Variants in IDO1 observed in about 807,000 individuals in gnomAD.
IDO1 encodes indoleamine 2,3-dioxygenase 1.
Under a neutral mutation model 38.8 loss-of-function variants are expected in IDO1, and 35 were observed. The observed-to-expected ratio is 0.90, with a 90% confidence interval of 0.69 to 1.20. The LOEUF (loss-of-function observed/expected upper bound fraction) is 1.20. IDO1 is among the 50% of genes most tolerant of loss of function. The pLI is 0.00. For missense variants in IDO1, 509 were observed against 485.1 expected (o/e 1.05, Z -0.46); for synonymous variants, 171 against 170.0 (o/e 1.01, Z -0.05).
At chr8:39,915,622 G>T (rs1021293924) in intron 1 of IDO1, 7 of 152,150 alleles carry the variant, frequency 4.6e-5, no homozygotes, top group South Asian at 4.1e-4. Flanking sequence ...ACTCAAACTT[G>T]CTATTTGCCC....
chr8:39,922,382 T>C (rs565474273), intron 5 of IDO1, among the ~76,000 whole-genome samples, 170 bp from the exon 6 acceptor site: 1 of 152,278 alleles, frequency 6.6e-6, no homozygotes, highest in South Asian at 2.1e-4. Context: ...TCTTGGACAA[T>C]GGGCCTAAAA....
chr8:39,920,102 C>T lies in IDO1; in HGVS notation c.425C>T (p.Pro142Leu), dbSNP rs61753677. The change falls in exon 5 of 10, where the codon CCC (proline) becomes CTC (leucine). Residue 142 changes from proline to leucine, a missense_variant and splice_region_variant. By Grantham distance (98) the Pro-to-Leu change is moderately conservative (BLOSUM62 -3). Coordinates refer to ENST00000518237, the MANE Select transcript of IDO1 (RefSeq NM_002164.6). ...ANWKKKDPNK[P>L]LTYENMDVLF... is the part of the protein sequence containing the mutation. ...TGCTTCATGGCTGCTTTCATAAGGC[C>T]CCTGACTTATGAGTAAGTATCTGAT... The T allele has an allele frequency of 1.8e-3, 2,853 of 1,610,170 alleles. 35 individuals carry two copies. The African/African-American group carries it at 0.033, about 19-fold the overall frequency.
intron 8 of IDO1, among the ~76,000 whole-genome samples, 189 bp downstream of exon 8, chr8:39,924,961 G>A (rs1315500302): frequency 6.6e-6 from 1 of 152,136 alleles, no homozygotes; most frequent in Non-Finnish European, 1.5e-5. Context: ...GGACAGGAAA[G>A]CTAGTTATTT....
At chr8:39,915,542 G>A (rs1431856259) in intron 1 of IDO1, 3 of 152,066 alleles carry the variant, frequency 2.0e-5, no homozygotes, top group Non-Finnish European at 2.9e-5. Context: ...GTTAATTAAA[G>A]AAAATGAAAA....
intron 3 of IDO1, 27 bp from the exon 4 acceptor site, chr8:39,918,785 CAAA>C (rs746134459): frequency 2.9e-6 from 2 of 690,404 alleles, no homozygotes; most frequent in African/African-American, 4.4e-5. Flanking sequence ...ACAACAACAA[CAAA>C]AAACCTAACT....
intron 1 of IDO1, 72 bp from the exon 2 acceptor site, chr8:39,917,803 G>C: frequency 1.1e-6 from 1 of 937,798 alleles, no homozygotes; most frequent in Non-Finnish European, 1.7e-6. Context: ...TGAAGGCAAG[G>C]CATACTATCA....
chr8:39,914,995 G>A (rs991102500), intron 1 of IDO1, among the ~76,000 whole-genome samples: 1 of 152,174 alleles, frequency 6.6e-6, no homozygotes, highest in East Asian at 1.9e-4. Context: ...TCGAACTCCT[G>A]ACCTCAGGTG....
Position 39,928,187 on chromosome 8 carries a change from G to A in IDO1, c.*2G>A, listed in dbSNP as rs781509240. On this transcript the variant is annotated 3_prime_UTR_variant, in exon 10 of 10. Transcript: ENST00000518237. ...AAATCCCTTTTGAAGGAAGGTTAAT[G>A]TAACCCAACAAGAGCACATTTTATC... 6 of 1,597,530 alleles carry A rather than the reference G, an allele frequency of 3.8e-6. No individual in the cohort carries two copies. Among genetic ancestry groups the A allele is most frequent in the Non-Finnish European group, 5.1e-6 (6 of 1,169,840 alleles).
chr8:39,923,977 T>A (rs1321468409), intron 7 of IDO1: 1 of 153,378 alleles, frequency 6.5e-6, no homozygotes, highest in African/African-American at 2.4e-5. Flanking sequence ...CCTAATTCTG[T>A]TTTTTTACAA....
Position 39,918,746 on chromosome 8 carries a change from CAAAAAAAAAAA to C in IDO1, c.304-56_304-46del, listed in dbSNP as rs1214540367. On this transcript the variant is annotated intron_variant, in intron 3 of 9. Transcript: ENST00000518237. ...GGGGGACAGGAGCAAGACTCCATCT[CAAAAAAAAAAA>C]AAAAAAAAAAAACAACAACAACAAC... The C allele has an allele frequency of 5.1e-5, 15 of 295,150 alleles. No individual in the cohort carries two copies. In the East Asian group the frequency reaches 7.5e-4, roughly 15 times the overall value. The allele number at this position is 295,150 out of a possible 1,614,324, so 18.3% of individuals were successfully genotyped here. A position where few individuals can be genotyped will look rare whatever the true frequency, so the allele number is the denominator to read the frequency against.
chr8:39,918,564 A>T, intron 3 of IDO1: 1 of 472,466 alleles, frequency 2.1e-6, no homozygotes, highest in Admixed American at 3.8e-5. Flanking sequence ...TGGCTAACAT[A>T]GTGAAACCCC....
intron 1 of IDO1, among the ~76,000 whole-genome samples, chr8:39,916,254 T>A (rs1807173771): frequency 6.6e-6 from 1 of 150,730 alleles, no homozygotes; most frequent in Non-Finnish European, 1.5e-5. Flanking sequence ...GGTGGGTGGA[T>A]CACTTGAGGT....
chr8:39,918,134 G>A lies in IDO1; in HGVS notation c.230G>A (p.Arg77His), dbSNP rs35099072. 855 of 1,613,896 alleles carry A rather than the reference G, an allele frequency of 5.3e-4. 7 individuals carry two copies. In the African/African-American group the frequency reaches 0.01, roughly 19 times the overall value. Reference sequence around the variant, plus strand: ...CATCTCACAGACCACAAGTCACAGCGCCTTGCACGTCTAGTTCTGGGATGC... The same window carrying A: ...CATCTCACAGACCACAAGTCACAGCACCTTGCACGTCTAGTTCTGGGATGC... ...IDHLTDHKSQ[R>H]LARLVLGCIT... is the part of the protein sequence containing the mutation. The change falls in exon 3 of 10, where the codon CGC becomes CAC. Residue 77 changes from arginine to histidine, a missense_variant. By Grantham distance (29) the Arg-to-His change is conservative. Transcript: ENST00000518237.
In IDO1 at chr8:39,923,539, T is replaced by C; in HGVS notation, c.608T>C (p.Ile203Thr). The C allele has an allele frequency of 6.2e-7, 1 of 1,613,736 alleles. No individual in the cohort carries two copies. The highest frequency in any genetic ancestry group is 8.5e-7 in the Non-Finnish European group (1 of 1,179,694). ...RDTLLKALLEIASCLEKALQV... is the reference protein window; with the variant it reads ...RDTLLKALLETASCLEKALQV... ...ACTTTGCTAAAGGCGCTGTTGGAAA[T>C]AGCTTCTTGCTTGGAGAAAGCCCTT... is the stretch of plus-strand genomic sequence containing the variant. Residue 203 changes from isoleucine (I) to threonine (T), a missense_variant, in exon 7 of 10, where the codon ATA becomes ACA. Physicochemically the swap from Ile to Thr is moderately conservative, Grantham distance 89 (BLOSUM62 -1). Transcript: ENST00000518237.
At chr8:39,919,123 C>T in intron 4 of IDO1, 190 bp downstream of exon 4, 3 of 727,000 alleles carry the variant, frequency 4.1e-6, no homozygotes, top group East Asian at 2.6e-5. Context: ...ACATATGTGA[C>T]AGGTGTATAG....
intron 7 of IDO1, chr8:39,923,792 A>G (rs1807316486): frequency 2.7e-6 from 1 of 372,906 alleles, no homozygotes; most frequent in South Asian, 5.6e-5. Context: ...TCAGAAAGAC[A>G]GGGTAAATGA....
intron 8 of IDO1, 62 bp from the exon 9 acceptor site, chr8:39,925,161 C>G (rs548302866): frequency 6.9e-7 from 1 of 1,450,738 alleles, no homozygotes; most frequent in East Asian, 2.4e-5. Flanking sequence ...AGATTTGGTA[C>G]CTGAAAATTA....
intron 1 of IDO1, among the ~76,000 whole-genome samples, chr8:39,915,184 C>G (rs907843115): frequency 6.6e-6 from 1 of 152,194 alleles, no homozygotes; most frequent in Non-Finnish European, 1.5e-5. Context: ...AGCAGCCTGT[C>G]TCCAGAGTCT....
intron 3 of IDO1, 111 bp from the exon 4 acceptor site, chr8:39,918,704 C>A: frequency 1.6e-6 from 1 of 624,964 alleles, no homozygotes; most frequent in Non-Finnish European, 2.8e-6. Flanking sequence ...CGAGATCCTG[C>A]CACTGCGCTC....
Sources: allele counts gnomAD v4.1 joint callset (sites outside exome capture counted in the v4.1 genomes callset), GRCh38; gene constraint gnomAD v4.1.1; transcripts MANE v1.5; gene names NCBI Gene and HGNC (gene_info 2026-07-23, HGNC 2026-07-21).